The following ZNF831 variants were observed in gnomAD, a reference collection of about 807,000 sequenced individuals.
The protein encoded by ZNF831 is zinc finger protein 831, also known as chromosome 20 open reading frame 174.
Under a neutral mutation model 95.8 loss-of-function variants are expected in ZNF831, and 59 were observed. The observed-to-expected ratio is 0.62, with a 90% CI of 0.50 to 0.77. The LOEUF is 0.77. ZNF831 is among the 30% of genes least tolerant of loss of function. The pLI is 0.00. For synonymous variants in ZNF831, 961 were observed against 925.5 expected (o/e 1.04, Z -0.70); for missense variants, 2,205 against 2,164.0 (o/e 1.02, Z -0.38).
At chr20:59,195,561 TC>T (rs1984030016) in intron 2 of ZNF831, among the ~76,000 whole-genome samples, 1 of 151,962 alleles carries the variant, frequency 6.6e-6, no homozygotes. Context: ...GTGTGGGGGC[TC>T]CCGGGGAGGT....
At chr20:59,158,018 C>T (rs145861418) in intron 2 of ZNF831, among the ~76,000 whole-genome samples, 6 of 152,354 alleles carry the variant, frequency 3.9e-5, no homozygotes, top group African/African-American at 7.2e-5. Context: ...GAAATCACTT[C>T]AGGTGCTGGA....
intron 1 of ZNF831, among the ~76,000 whole-genome samples, chr20:59,185,970 G>T (rs551000856): frequency 1.7e-4 from 26 of 152,324 alleles, no homozygotes; most frequent in African/African-American, 6.3e-4. Context: ...CCAACTGCAG[G>T]CAGTGCTTCT....
intron 1 of ZNF831, among the ~76,000 whole-genome samples, chr20:59,128,208 A>G (rs1979238659): frequency 1.3e-5 from 2 of 152,250 alleles, no homozygotes; most frequent in South Asian, 4.1e-4. Context: ...AGTCACAGTG[A>G]GGAGGGATAC....
Position 59,195,981 on chromosome 20 carries a change from G to C in ZNF831, c.3851G>C (p.Arg1284Thr). 6.2e-7 allele frequency: 1 copy of C among 1,614,116 alleles called. No homozygotes were observed. The highest frequency in any genetic ancestry group is 8.5e-7 in the Non-Finnish European group (1 of 1,180,006). The change falls in exon 3 of 6, where the codon AGA (arginine) becomes ACA (threonine). Residue 1284 changes from arginine (R) to threonine (T), a missense_variant. Physicochemically the swap from Arg to Thr is moderately conservative, Grantham distance 71. Coordinates refer to ENST00000371030, the MANE Select transcript of ZNF831 (RefSeq NM_178457.3). ...AKMSRGNSKQ[R>T]KLKINPKRYK... ...ATGTCTCGTGGGAACAGCAAGCAGA[G>C]AAAACTGAAGATCAACCCTAAAAGG...
intron 2 of ZNF831, among the ~76,000 whole-genome samples, chr20:59,155,626 G>A (rs750132620): frequency 2.0e-5 from 3 of 152,220 alleles, no homozygotes; most frequent in African/African-American, 7.2e-5. Context: ...GCTGCCCAGC[G>A]CAGCAGGGAG....
intron 4 of ZNF831, among the ~76,000 whole-genome samples, chr20:59,233,039 C>G (rs879662374): frequency 3.0e-5 from 4 of 131,438 alleles, no homozygotes; most frequent in East Asian, 2.1e-4. Flanking sequence ...CACACACACA[C>G]ACACATAGAG....
intron 1 of ZNF831, among the ~76,000 whole-genome samples, chr20:59,188,353 A>G (rs1983227772): frequency 6.6e-6 from 1 of 152,168 alleles, no homozygotes; most frequent in African/African-American, 2.4e-5. Context: ...TACCATAGCC[A>G]TGGTTGGTGT....
chr20:59,154,458 G>A (rs953484464), intron 2 of ZNF831, among the ~76,000 whole-genome samples: 13 of 152,164 alleles, frequency 8.5e-5, no homozygotes, highest in Non-Finnish European at 1.6e-4. Flanking sequence ...AATCCCCTGC[G>A]ATTGGTACCT....
At position 59,206,954 on chromosome 20, in the gene ZNF831, C is replaced by A. The variant is rs765459644; in HGVS notation, c.3925C>A (p.Leu1309Ile). Residue 1309 changes from leucine (L) to isoleucine (I), a missense_variant, in exon 4 of 6, where the codon CTT becomes ATT. By Grantham distance (5) the Leu-to-Ile change is conservative. Coordinates refer to ENST00000371030, the MANE Select transcript of ZNF831 (RefSeq NM_178457.3). ...QSCVQLRASRLRTPTWVRRRS... is the reference protein window; with the variant it reads ...QSCVQLRASRIRTPTWVRRRS... ...CTGTGTTCAGCTGAGAGCCAGTAGA[C>A]TTCGCACACCAACCTGGGTGCGAAG... The A allele has an allele frequency of 6.2e-6, 10 of 1,614,120 alleles. No individual in the cohort carries two copies. In the South Asian group the frequency reaches 9.9e-5, roughly 16 times the overall value.
At chr20:59,177,744 G>A (rs898884069) in intron 1 of ZNF831, among the ~76,000 whole-genome samples, 1 of 152,198 alleles carries the variant, frequency 6.6e-6, no homozygotes, top group African/African-American at 2.4e-5. Context: ...CCTCCTGGGA[G>A]CTCATCTGGG....
At chr20:59,134,800 T>G (rs1356566018) in intron 1 of ZNF831, among the ~76,000 whole-genome samples, 1 of 152,162 alleles carries the variant, frequency 6.6e-6, no homozygotes, top group East Asian at 1.9e-4. Flanking sequence ...CAACTTTGCT[T>G]CTTACTAACC....
chr20:59,233,177 G>A (rs1012299739), intron 4 of ZNF831, among the ~76,000 whole-genome samples: 1 of 152,112 alleles, frequency 6.6e-6, no homozygotes, highest in Non-Finnish European at 1.5e-5. Context: ...CGGTTGCATT[G>A]TTACCTGCCT....
chr20:59,202,375 A>G (rs1984600610), intron 3 of ZNF831, among the ~76,000 whole-genome samples: 1 of 144,834 alleles, frequency 6.9e-6, no homozygotes, highest in Non-Finnish European at 1.5e-5. Context: ...TGCATCTGAC[A>G]ATGACAACCT....
At chr20:59,170,546 C>T (rs188702036) in intron 1 of ZNF831, among the ~76,000 whole-genome samples, 192 of 152,208 alleles carry the variant, frequency 1.3e-3, no homozygotes, top group Admixed American at 2.6e-3. Context: ...GATTTTATGG[C>T]CTGGAATGTG....
intron 1 of ZNF831, among the ~76,000 whole-genome samples, chr20:59,168,929 T>C (rs1298024980): frequency 6.6e-6 from 1 of 152,196 alleles, no homozygotes; most frequent in Non-Finnish European, 1.5e-5. Flanking sequence ...GTATAATTTT[T>C]TTCTTATCAC....
chr20:59,234,403 C>G (rs1986891418), intron 4 of ZNF831, among the ~76,000 whole-genome samples: 1 of 152,218 alleles, frequency 6.6e-6, no homozygotes. Flanking sequence ...CCTCCATTTT[C>G]ATTTGCATTG....
At chr20:59,182,440 T>G (rs972093550) in intron 1 of ZNF831, among the ~76,000 whole-genome samples, 28 of 152,296 alleles carry the variant, frequency 1.8e-4, no homozygotes, top group African/African-American at 6.5e-4. Context: ...CTTGCTGAGC[T>G]TCACAGGGAG....
intron 4 of ZNF831, among the ~76,000 whole-genome samples, chr20:59,210,990 G>A (rs1264159374): frequency 1.3e-5 from 1 of 77,476 alleles, no homozygotes; most frequent in Non-Finnish European, 2.3e-5. Context: ...CCGAGATTGC[G>A]CCACTGCAGT....
chr20:59,181,417 TTTTGGTG>T (rs1165988997), intron 1 of ZNF831, among the ~76,000 whole-genome samples: 11 of 152,236 alleles, frequency 7.2e-5, no homozygotes, highest in Non-Finnish European at 1.0e-4. Flanking sequence ...TTGCAATTGC[TTTTGGTG>T]TTTTAGTCAT....
Sources: allele counts gnomAD v4.1 joint callset (sites outside exome capture counted in the v4.1 genomes callset), GRCh38; gene constraint gnomAD v4.1.1; transcripts MANE v1.5; gene names NCBI Gene and HGNC (gene_info 2026-07-23, HGNC 2026-07-21).